FKBP3: variants seen among roughly 807,000 people sequenced by gnomAD.
The protein encoded by FKBP3 is peptidyl-prolyl cis-trans isomerase FKBP3.
FKBP3 carries 21 observed loss-of-function variants against 30.6 expected under a neutral mutation model. The observed-to-expected ratio is 0.69, with a 90% CI of 0.49 to 0.99. FKBP3 has a LOEUF of 0.99. Among genes scored for constraint, FKBP3 ranks in the 50% least tolerant of loss-of-function variants. The pLI, the probability that FKBP3 is intolerant of heterozygous loss-of-function variation, is 0.00. For missense variants in FKBP3, 283 were observed against 261.6 expected (o/e 1.08, Z -0.56); for synonymous variants, 82 against 91.3 (o/e 0.90, Z 0.58).
At chr14:45,124,913 T>A (rs940635161) in intron 3 of FKBP3, among the ~76,000 whole-genome samples, 4 of 152,168 alleles carry the variant, frequency 2.6e-5, no homozygotes, top group South Asian at 4.1e-4. Flanking sequence ...CGGATCTGTG[T>A]TTATTTTATT....
intron 1 of FKBP3, among the ~76,000 whole-genome samples, chr14:45,134,145 A>T (rs1885304195): frequency 6.6e-6 from 1 of 152,224 alleles, no homozygotes; most frequent in South Asian, 2.1e-4. Flanking sequence ...CAAGAAATAA[A>T]GCTGCTCCCC....
At chr14:45,126,828 T>C (rs985228556) in intron 3 of FKBP3, among the ~76,000 whole-genome samples, 4 of 152,012 alleles carry the variant, frequency 2.6e-5, no homozygotes, top group Admixed American at 1.3e-4. Flanking sequence ...TTTTTTTCTT[T>C]TTTTTGAGAC....
intron 3 of FKBP3, among the ~76,000 whole-genome samples, chr14:45,122,607 G>C (rs1024375418): frequency 5.3e-5 from 8 of 151,866 alleles, no homozygotes; most frequent in Non-Finnish European, 1.2e-4. Context: ...GGGTTCAAGT[G>C]ATTCTCCTGC....
rs1566704572 is a variant in FKBP3, at chr14:45,121,632, AAAC to A, written c.319-15_319-13del. On this transcript the variant is annotated splice_polypyrimidine_tract_variant and intron_variant, in intron 3 of 6. Transcript: ENST00000396062. Reference sequence around the variant, plus strand: ...TATTTTGGTGGACCCTAAAAACAAAAAACAACACACACACACAGAGTTATTAAT... The same window carrying A: ...TATTTTGGTGGACCCTAAAAACAAAAAACACACACACACAGAGTTATTAAT... 6 of 1,611,986 alleles carry A rather than the reference AAAC, an allele frequency of 3.7e-6. No individual in the cohort carries two copies. The highest frequency in any genetic ancestry group is 3.3e-5 in the Admixed American group (2 of 59,846).
chr14:45,121,552 A>G lies in FKBP3; in HGVS notation c.387T>C (p.Asp129=). 1 of 1,613,758 alleles carries G rather than the reference A, an allele frequency of 6.2e-7. No homozygotes were observed. Among genetic ancestry groups the G allele is most frequent in the African/African-American group, 1.3e-5 (1 of 75,040 alleles). ...TTCCTGTATACCAGCAGTGAACAAC[A>G]TCTCCCTTTTTGGGAAAGTTGGTTT... ...GDKTNFPKKG[D]VVHCWYTGTL... The change falls in exon 4 of 7, where the codon GAT becomes GAC. Residue 129 remains aspartate (D), a synonymous_variant. Coordinates refer to ENST00000396062, the MANE Select transcript of FKBP3 (RefSeq NM_002013.4).
chr14:45,123,154 C>T lies in FKBP3; in HGVS notation c.319-1534G>A, dbSNP rs112439736. 9.1e-3 allele frequency among the ~76,000 whole-genome samples: 1,353 copies of T among 149,142 alleles called. 27 individuals are homozygous for T. Among genetic ancestry groups the T allele is most frequent in the African/African-American group, 0.032 (1,287 of 40,244 alleles). ...GTTGCAGTGAGCCAAGATGGCACCA[C>T]TGGGCGACAGAGCAAGGCTCCATCT... On this transcript the variant is annotated intron_variant, in intron 3 of 6. Transcript: ENST00000396062.
In FKBP3 at chr14:45,121,103, T is replaced by G. The variant is rs1046870740; in HGVS notation, c.455-149A>C. The G allele has an allele frequency of 1.0e-5, 7 of 683,028 alleles. No individual in the cohort carries two copies. In the African/African-American group the frequency reaches 1.1e-4, roughly 11 times the overall value. The allele number at this position is 683,028 out of a possible 1,614,324, so 42.3% of individuals were successfully genotyped here. A position where few individuals can be genotyped will look rare whatever the true frequency, so the allele number is the denominator to read the frequency against. On this transcript the variant is annotated intron_variant, in intron 4 of 6. Transcript: ENST00000396062. The stretch of plus-strand genomic sequence containing the variant: ...TGTATTTTAAAAGAAGGAAAAAATT[T>G]ACAAAGATCATCCATCAATAAAATT...
chr14:45,117,625 G>C (rs1482588370), intron 6 of FKBP3, among the ~76,000 whole-genome samples: 7 of 152,068 alleles, frequency 4.6e-5, no homozygotes. Context: ...CCATTTCTAA[G>C]CTTTGAATTT....
intron 3 of FKBP3, among the ~76,000 whole-genome samples, chr14:45,125,546 A>T (rs1447076455): frequency 1.3e-5 from 2 of 152,216 alleles, no homozygotes; most frequent in African/African-American, 2.4e-5. Flanking sequence ...ATACTCATTC[A>T]TACCATGAAA....
chr14:45,128,374 C>T (rs1241461008), intron 3 of FKBP3, among the ~76,000 whole-genome samples: 1 of 152,038 alleles, frequency 6.6e-6, no homozygotes, highest in Non-Finnish European at 1.5e-5. Flanking sequence ...TAAGAAGGGA[C>T]TGAGAATTTG....
intron 3 of FKBP3, among the ~76,000 whole-genome samples, chr14:45,124,594 G>A (rs1885058048): frequency 6.6e-6 from 1 of 150,870 alleles, no homozygotes; most frequent in Non-Finnish European, 1.5e-5. Flanking sequence ...TTTCAGTGTT[G>A]CTGAGGCTGG....
chr14:45,121,062 C>T (rs543430715), intron 4 of FKBP3, 108 bp from the exon 5 acceptor site: 1 of 899,668 alleles, frequency 1.1e-6, no homozygotes, highest in South Asian at 1.6e-5. Flanking sequence ...GGTTTGATTT[C>T]AGAATTACAA....
At position 45,129,799 on chromosome 14, in the gene FKBP3, C is replaced by T. The variant is rs1351334712; in HGVS notation, c.313G>A (p.Asp105Asn). 1 of 1,592,916 alleles carries T rather than the reference C, an allele frequency of 6.3e-7. No homozygotes were observed. The highest frequency in any genetic ancestry group is 1.7e-5 in the Admixed American group (1 of 59,202). Residue 105 changes from aspartate to asparagine, a missense_variant, in exon 3 of 7, where the codon GAT (aspartate) becomes AAT (asparagine). By Grantham distance (23) the Asp-to-Asn change is conservative. Coordinates refer to ENST00000396062, the MANE Select transcript of FKBP3 (RefSeq NM_002013.4). ...PKETKSEETL[D>N]EGPPKYTKSV... ...AAAAATAATTATATACAGACCTCATCCAGGGTCTCTTCAGACTTGGTTTCT... is the reference window on the plus strand; with the variant it reads ...AAAAATAATTATATACAGACCTCATTCAGGGTCTCTTCAGACTTGGTTTCT...
intron 1 of FKBP3, chr14:45,131,071 AC>A (rs1287944863): frequency 1.2e-4 from 27 of 232,934 alleles, no homozygotes; most frequent in African/African-American, 5.7e-4. Context: ...GTCAACACTC[AC>A]AAAAAATAAC....
At position 45,120,951 on chromosome 14, in the gene FKBP3, G is replaced by C. The variant is rs758412192; in HGVS notation, c.458C>G (p.Ala153Gly). The change falls in exon 5 of 7, where the codon GCA becomes GGA. Residue 153 changes from alanine (A) to glycine (G), a missense_variant. Physicochemically the swap from Ala to Gly is moderately conservative, Grantham distance 60. Coordinates refer to ENST00000396062, the MANE Select transcript of FKBP3 (RefSeq NM_002013.4). ...AGGCTTGGCATTTTTCTTCTTCTTT[G>C]CACCTGTAAAACAGATTTTCCTTAT... Reference protein sequence around the residue: ...TVFDTNIQTSAKKKKNAKPLS... With the variant: ...TVFDTNIQTSGKKKKNAKPLS... 6.2e-7 allele frequency: 1 copy of C among 1,611,780 alleles called. No individual in the cohort carries two copies. The highest frequency in any genetic ancestry group is 8.5e-7 in the Non-Finnish European group (1 of 1,178,958).
At chr14:45,126,757 G>A (rs1274817675) in intron 3 of FKBP3, among the ~76,000 whole-genome samples, 1 of 152,082 alleles carries the variant, frequency 6.6e-6, no homozygotes, top group Non-Finnish European at 1.5e-5. Flanking sequence ...TCTGAGGCAG[G>A]AGGATCACTG....
chr14:45,131,628 C>CAAA (rs536298530), intron 1 of FKBP3, among the ~76,000 whole-genome samples: 1,338 of 39,382 alleles, frequency 0.034, 155 homozygotes, highest in African/African-American at 0.11. Context: ...GACTCTGTCT[C>CAAA]AAAAAAAAAA....
At chr14:45,116,985 C>G (rs545491858) in intron 6 of FKBP3, among the ~76,000 whole-genome samples, 9 of 152,068 alleles carry the variant, frequency 5.9e-5, no homozygotes, top group East Asian at 3.9e-4. Flanking sequence ...CCCGCCCCCC[C>G]CACCGAGACA....
intron 6 of FKBP3, 89 bp from the exon 7 acceptor site, chr14:45,116,341 C>A: frequency 1.1e-6 from 1 of 875,016 alleles, no homozygotes; most frequent in South Asian, 1.4e-5. Context: ...TAGATAGGCT[C>A]ACTAGATAAA....
Sources: allele counts gnomAD v4.1 joint callset (sites outside exome capture counted in the v4.1 genomes callset), GRCh38; gene constraint gnomAD v4.1.1; transcripts MANE v1.5; gene names NCBI Gene and HGNC (gene_info 2026-07-23, HGNC 2026-07-21).